AP3B1: variants seen among roughly 807,000 people sequenced by gnomAD.
The protein encoded by AP3B1 is adaptor related protein complex 3 subunit beta 1.
In AP3B1, 61 loss-of-function variants were observed where a neutral mutation model predicts 132.5. The observed-to-expected ratio is 0.46, with a 90% CI of 0.37 to 0.57. The LOEUF is 0.57. Ranked by LOEUF, AP3B1 falls within the 20% of genes least tolerant of loss-of-function variation. The pLI, the probability that AP3B1 is intolerant of heterozygous loss-of-function variation, is 0.00. For synonymous variants in AP3B1, 388 were observed against 438.3 expected (o/e 0.89, Z 1.43); for missense variants, 1,120 against 1,289.4 (o/e 0.87, Z 2.01).
chr5:78,170,241 G>A (rs1743854584), intron 11 of AP3B1, among the ~76,000 whole-genome samples: 3 of 152,236 alleles, frequency 2.0e-5, no homozygotes, highest in African/African-American at 7.2e-5. Flanking sequence ...CTTTATAGTA[G>A]CATGATTTAT....
intron 22 of AP3B1, 106 bp from the exon 23 acceptor site, chr5:78,039,380 A>G: frequency 1.1e-6 from 1 of 870,116 alleles, no homozygotes; most frequent in Non-Finnish European, 1.9e-6. Flanking sequence ...CCCCTACAGT[A>G]TTATATGAAC....
At chr5:78,087,579 TG>T (rs35602521) in intron 22 of AP3B1, 5 of 985,332 alleles carry the variant, frequency 5.1e-6, no homozygotes, top group Non-Finnish European at 6.0e-6. Context: ...TGTTAGCTTT[TG>T]GGGAGTGAGT....
At chr5:78,141,887 T>G (rs1277059669) in intron 14 of AP3B1, among the ~76,000 whole-genome samples, 2 of 152,076 alleles carry the variant, frequency 1.3e-5, no homozygotes, top group Non-Finnish European at 1.5e-5. Context: ...TGTTTTAATT[T>G]AAAAAGCATC....
intron 7 of AP3B1, among the ~76,000 whole-genome samples, chr5:78,206,452 T>C (rs1011054373): frequency 6.6e-6 from 1 of 152,170 alleles, no homozygotes; most frequent in African/African-American, 2.4e-5. Context: ...TCTTCAAAAA[T>C]TTTTTAGGTT....
At chr5:78,278,023 T>A (rs911694834) in intron 1 of AP3B1, among the ~76,000 whole-genome samples, 3 of 152,200 alleles carry the variant, frequency 2.0e-5, no homozygotes, top group African/African-American at 7.2e-5. Flanking sequence ...AGATTAGGAA[T>A]GTCTTCTAGA....
intron 8 of AP3B1, among the ~76,000 whole-genome samples, chr5:78,178,388 C>T (rs573446257): frequency 1.5e-4 from 23 of 152,176 alleles, no homozygotes; most frequent in East Asian, 9.7e-4. Context: ...TTTGGGAGGC[C>T]GAGGCAGGTG....
At chr5:78,116,640 T>C (rs993462059) in intron 17 of AP3B1, among the ~76,000 whole-genome samples, 4 of 150,736 alleles carry the variant, frequency 2.7e-5, no homozygotes, top group African/African-American at 9.8e-5. Context: ...GAAAAGAAAA[T>C]ATTTAGTGTA....
At chr5:78,119,355 G>C (rs1580370832) in intron 17 of AP3B1, among the ~76,000 whole-genome samples, 1 of 152,208 alleles carries the variant, frequency 6.6e-6, no homozygotes, top group South Asian at 2.1e-4. Context: ...ACGTTGACGA[G>C]CTGAGAGAAG....
intron 6 of AP3B1, among the ~76,000 whole-genome samples, 196 bp downstream of exon 6, chr5:78,225,346 A>G (rs1746359830): frequency 6.6e-6 from 1 of 152,114 alleles, no homozygotes; most frequent in Non-Finnish European, 1.5e-5. Flanking sequence ...GAAGAAACAC[A>G]TAACGATCTA....
intron 11 of AP3B1, among the ~76,000 whole-genome samples, chr5:78,170,460 G>A (rs915495670): frequency 4.6e-5 from 7 of 152,190 alleles, no homozygotes; most frequent in Admixed American, 1.3e-4. Context: ...TAACTGGTGT[G>A]AGATGGTATT....
At chr5:78,260,858 C>T (rs368320461) in intron 2 of AP3B1, among the ~76,000 whole-genome samples, 262 of 113,848 alleles carry the variant, frequency 2.3e-3, no homozygotes, top group African/African-American at 7.5e-3. Context: ...TGGAATCATA[C>T]AATTTTTTGT....
chr5:78,097,197 C>T (rs1428575815), intron 21 of AP3B1, among the ~76,000 whole-genome samples: 3 of 117,986 alleles, frequency 2.5e-5, no homozygotes, highest in African/African-American at 3.7e-5. Flanking sequence ...AAGTGAGGAG[C>T]CCCTCTGCCC....
At chr5:78,065,530 A>C (rs565153208) in intron 22 of AP3B1, among the ~76,000 whole-genome samples, 2 of 152,306 alleles carry the variant, frequency 1.3e-5, no homozygotes, top group East Asian at 3.9e-4. Context: ...ACAGCGCAGC[A>C]CAGTGGCTGT....
intron 22 of AP3B1, among the ~76,000 whole-genome samples, chr5:78,087,188 A>G (rs1419700241): frequency 2.6e-5 from 4 of 152,190 alleles, no homozygotes; most frequent in African/African-American, 9.6e-5. Flanking sequence ...GTACTCTATC[A>G]TCTATGAACT....
At chr5:78,049,329 C>T (rs769769341) in intron 22 of AP3B1, among the ~76,000 whole-genome samples, 2 of 152,188 alleles carry the variant, frequency 1.3e-5, no homozygotes, top group Non-Finnish European at 2.9e-5. Flanking sequence ...ATTTCAAACA[C>T]AAAGTAACTA....
chr5:78,277,862 C>T (rs1438682912), intron 1 of AP3B1, among the ~76,000 whole-genome samples: 1 of 152,194 alleles, frequency 6.6e-6, no homozygotes, highest in East Asian at 1.9e-4. Context: ...ATATATCTTC[C>T]ATGTCTTCAT....
chr5:78,015,716 C>G (rs80149173), intron 25 of AP3B1, 168 bp from the exon 26 acceptor site: 3 of 649,994 alleles, frequency 4.6e-6, no homozygotes, highest in East Asian at 6.0e-5. Flanking sequence ...GCAATTGTTT[C>G]GAAGTTTTTT....
At chr5:78,147,785 C>T (rs950692979) in intron 14 of AP3B1, among the ~76,000 whole-genome samples, 3 of 152,154 alleles carry the variant, frequency 2.0e-5, no homozygotes, top group African/African-American at 7.2e-5. Context: ...GCCTGTAATC[C>T]CAGCACTTCG....
At chr5:78,083,149 ACT>A in intron 22 of AP3B1, among the ~76,000 whole-genome samples, 1 of 152,204 alleles carries the variant, frequency 6.6e-6, no homozygotes, top group Admixed American at 6.5e-5. Context: ...GGAAGGTCAG[ACT>A]CTGATTTTTC....
Sources: gnomAD v4.1 joint callset for allele counts (sites outside exome capture counted in the v4.1 genomes callset) on GRCh38, gnomAD v4.1.1 for gene constraint, MANE v1.5 for transcripts, NCBI Gene and HGNC (gene_info 2026-07-23, HGNC 2026-07-21) for gene names.